COL26A1: variants seen among roughly 807,000 people sequenced by gnomAD.
The protein encoded by COL26A1 is collagen type XXVI alpha 1 chain.
In COL26A1, 41 loss-of-function variants were observed where a neutral mutation model predicts 59.3. That is an observed-to-expected ratio of 0.69 (90% CI 0.54 to 0.90). The LOEUF (loss-of-function observed/expected upper bound fraction) is 0.90, where lower values mean the gene tolerates loss of function less well. COL26A1 is among the 40% of genes least tolerant of loss of function. The pLI, the probability that COL26A1 is intolerant of heterozygous loss-of-function variation, is 0.00. For synonymous variants in COL26A1, 266 were observed against 256.0 expected, an observed-to-expected ratio of 1.04 and a Z score of -0.37; for missense variants, 612 against 602.3, an observed-to-expected ratio of 1.02 and a Z score of -0.17.
intron 3 of COL26A1, among the ~76,000 whole-genome samples, chr7:101,510,045 A>G (rs1436922309): frequency 1.3e-5 from 1 of 76,312 alleles, no homozygotes; most frequent in African/African-American, 2.0e-4. Flanking sequence ...TTTTTTTAAG[A>G]GGGTCTCACT....
chr7:101,376,306 CAA>C (rs1478520920), intron 1 of COL26A1, among the ~76,000 whole-genome samples: 2 of 151,838 alleles, frequency 1.3e-5, no homozygotes, highest in Admixed American at 6.6e-5. Context: ...GACCCTGTCT[CAA>C]AAAAAGTCTC....
At chr7:101,362,795 CAAAA>C, upstream of COL26A1, 1 of 532,132 alleles carries the variant, frequency 1.9e-6, no homozygotes, top group Non-Finnish European at 3.3e-6. Context: ...CGAGGGTTAA[CAAAA>C]AAGCCCCACG....
chr7:101,541,314 C>A (rs1167294854), intron 5 of COL26A1, among the ~76,000 whole-genome samples: 2 of 152,122 alleles, frequency 1.3e-5, no homozygotes, highest in African/African-American at 4.8e-5. Flanking sequence ...TGCCCCCCTG[C>A]CTTCCTGCCA....
chr7:101,486,955 C>T (rs1052398897), intron 3 of COL26A1, among the ~76,000 whole-genome samples: 4 of 152,308 alleles, frequency 2.6e-5, no homozygotes, highest in South Asian at 2.1e-4. Context: ...GCACCGGGAA[C>T]CCGGGCACAG....
chr7:101,458,853 G>C (rs770477891), intron 3 of COL26A1, among the ~76,000 whole-genome samples: 1 of 148,652 alleles, frequency 6.7e-6, no homozygotes, highest in Non-Finnish European at 1.5e-5. Context: ...TCGGCCTGGA[G>C]TGCAGTGGCA....
intron 3 of COL26A1, among the ~76,000 whole-genome samples, chr7:101,514,112 G>C (rs552421221): frequency 6.6e-6 from 1 of 152,254 alleles, no homozygotes; most frequent in South Asian, 2.1e-4. Flanking sequence ...GGGGTGGGTG[G>C]ATCATTTGAG....
chr7:101,363,487 G>C (rs1236418963), intron 1 of COL26A1, among the ~76,000 whole-genome samples: 1 of 133,522 alleles, frequency 7.5e-6, no homozygotes, highest in Admixed American at 7.5e-5. Context: ...GGGTCACGGG[G>C]GGAAAGACCG....
chr7:101,402,314 A>G (rs1792027448), intron 1 of COL26A1, among the ~76,000 whole-genome samples: 1 of 152,050 alleles, frequency 6.6e-6, no homozygotes, highest in Non-Finnish European at 1.5e-5. Flanking sequence ...CCAAGTGAAC[A>G]CTGGGAACCA....
chr7:101,464,608 T>G lies in COL26A1; in HGVS notation c.385+16821T>G, dbSNP rs527450189. Among the ~76,000 whole-genome samples the G allele has an allele frequency of 3.6e-5, 5 of 139,410 alleles. 1 individual carries two copies. The highest frequency in any genetic ancestry group is 1.3e-4 in the African/African-American group (5 of 37,084). The allele number at this position is 139,410 out of a possible 152,430, so 91.5% of individuals were successfully genotyped here. On this transcript the variant is annotated intron_variant, in intron 3 of 12. Coordinates refer to ENST00000313669, the MANE Select transcript of COL26A1 (RefSeq NM_001278563.3). ...GTATTTTCATTAGAGATGAGGTTTC[T>G]CCATGTTGGTCAGGCTGGTCTTGAA...
intron 1 of COL26A1, among the ~76,000 whole-genome samples, chr7:101,386,463 C>G (rs11764310): frequency 0.11 from 17,412 of 152,072 alleles, 1,107 homozygotes; most frequent in Non-Finnish European, 0.15. Flanking sequence ...CTCTGTTGCC[C>G]AGGCTGGAGT....
Position 101,475,918 on chromosome 7 carries a change from CTT to C in COL26A1, c.385+28133_385+28134del, listed in dbSNP as rs1491465697. 2.4e-3 allele frequency among the ~76,000 whole-genome samples: 337 copies of C among 143,374 alleles called. 2 individuals carry two copies. The highest frequency in any genetic ancestry group is 5.9e-3 in the African/African-American group (223 of 38,100). 94.1% of individuals were successfully genotyped at this position (143,374 alleles called of 152,430 possible). A position where few individuals can be genotyped will look rare whatever the true frequency, so the allele number is the denominator to read the frequency against. On this transcript the variant is annotated intron_variant, in intron 3 of 12. Coordinates refer to ENST00000313669, the MANE Select transcript of COL26A1 (RefSeq NM_001278563.3). ...TTTCTCTCTCTTTCTCTCTCTCTCT[CTT>C]TCTTTCTCTCTCTCTTTCTTTCTTC...
chr7:101,527,489 A>C (rs1252497386), intron 3 of COL26A1, among the ~76,000 whole-genome samples: 1 of 140,816 alleles, frequency 7.1e-6, no homozygotes, highest in South Asian at 2.3e-4. Context: ...CACCACGTCC[A>C]GCTGATTTTT....
At chr7:101,479,842 A>G (rs1794119424) in intron 3 of COL26A1, among the ~76,000 whole-genome samples, 3 of 152,200 alleles carry the variant, frequency 2.0e-5, no homozygotes, top group South Asian at 2.1e-4. Context: ...TGATATGTGT[A>G]TATAATACAT....
In COL26A1 at chr7:101,430,070, C is replaced by T. The variant is rs1584400662; in HGVS notation, c.281+9971C>T. 3.3e-5 allele frequency among the ~76,000 whole-genome samples: 5 copies of T among 152,098 alleles called. No homozygotes were observed. The South Asian group carries it at 1.0e-3, about 31-fold the overall frequency. ...TTTTAGCATGTTGAGTCTTCCAATC[C>T]AAGAACATGGTATCTCTCTCCATTT... On this transcript the variant is annotated intron_variant, in intron 2 of 12. Transcript: ENST00000313669.
At chr7:101,512,417 G>A (rs1435295271) in intron 3 of COL26A1, among the ~76,000 whole-genome samples, 7 of 152,098 alleles carry the variant, frequency 4.6e-5, no homozygotes, top group African/African-American at 2.4e-5. Flanking sequence ...CCAGGGGTTC[G>A]AGATGAGCTT....
intron 2 of COL26A1, among the ~76,000 whole-genome samples, chr7:101,445,141 A>AACAT (rs1554411965): frequency 6.6e-6 from 1 of 151,744 alleles, no homozygotes; most frequent in Non-Finnish European, 1.5e-5. Context: ...ATGCCTGGCC[A>AACAT]GGTACTTTAT....
chr7:101,526,327 G>A (rs893101664), intron 3 of COL26A1, among the ~76,000 whole-genome samples: 26 of 152,128 alleles, frequency 1.7e-4, no homozygotes, highest in African/African-American at 6.0e-4. Flanking sequence ...GGGATTATAA[G>A]CATAAGCCAC....
chr7:101,529,748 A>T (rs1348676704), intron 3 of COL26A1, among the ~76,000 whole-genome samples: 1 of 152,148 alleles, frequency 6.6e-6, no homozygotes, highest in Non-Finnish European at 1.5e-5. Context: ...GCTGCAAAGG[A>T]CATGATTTTA....
At chr7:101,529,102 G>A (rs1338169607) in intron 3 of COL26A1, among the ~76,000 whole-genome samples, 1 of 152,028 alleles carries the variant, frequency 6.6e-6, no homozygotes, top group Non-Finnish European at 1.5e-5. Context: ...GGTGGCAAAG[G>A]TTACAGTGAG....
Sources: gnomAD v4.1 joint callset for allele counts (sites outside exome capture counted in the v4.1 genomes callset) on GRCh38, gnomAD v4.1.1 for gene constraint, MANE v1.5 for transcripts, NCBI Gene and HGNC (gene_info 2026-07-23, HGNC 2026-07-21) for gene names.